Variants in NAV2 observed in about 807,000 individuals in gnomAD.
NAV2 encodes helicase, APC down-regulated 1.
A neutral mutation model predicts 223.2 loss-of-function variants in NAV2; 54 were observed. That is an observed-to-expected ratio of 0.24 (90% CI 0.19 to 0.30). The LOEUF is 0.30. Among genes scored for constraint, NAV2 ranks in the 10% least tolerant of loss-of-function variants. The pLI is 1.00. For synonymous variants in NAV2, 1,279 were observed against 1,239.3 expected (o/e 1.03, Z -0.67); for missense variants, 2,806 against 3,147.5 (o/e 0.89, Z 2.60).
chr11:19,696,542 G>C (rs2049346602), intron 1 of NAV2, among the ~76,000 whole-genome samples: 1 of 152,256 alleles, frequency 6.6e-6, no homozygotes, highest in Admixed American at 6.5e-5. Flanking sequence ...GTTCAGCTCA[G>C]CGTCTCACAG....
intron 36 of NAV2, among the ~76,000 whole-genome samples, chr11:20,111,235 A>T (rs1423980644): frequency 6.6e-6 from 1 of 152,188 alleles, no homozygotes; most frequent in East Asian, 1.9e-4. Context: ...CCCAGGTTTT[A>T]GTTTTCAATG....
At chr11:19,795,224 G>A (rs912665475) in intron 1 of NAV2, among the ~76,000 whole-genome samples, 3 of 152,222 alleles carry the variant, frequency 2.0e-5, no homozygotes, top group African/African-American at 2.4e-5. Context: ...CATTCTCAGA[G>A]CCATCTCATA....
chr11:20,035,856 C>T (rs1318727089), intron 11 of NAV2, 103 bp from the exon 12 acceptor site: 2 of 1,374,768 alleles, frequency 1.5e-6, no homozygotes, highest in Non-Finnish European at 2.0e-6. Flanking sequence ...CTTCATGGCA[C>T]AGATTGGATC....
At chr11:19,898,024 T>C (rs1260827056) in intron 6 of NAV2, among the ~76,000 whole-genome samples, 1 of 151,832 alleles carries the variant, frequency 6.6e-6, no homozygotes, top group Non-Finnish European at 1.5e-5. Flanking sequence ...TTTAAATATT[T>C]GTGATATTAC....
intron 1 of NAV2, among the ~76,000 whole-genome samples, chr11:19,545,511 G>A (rs574869780): frequency 9.4e-4 from 143 of 152,290 alleles, no homozygotes; most frequent in African/African-American, 3.2e-3. Context: ...TTCACTTAAA[G>A]GGCTGGCATG....
At chr11:19,661,132 C>CT (rs1337962366) in intron 1 of NAV2, among the ~76,000 whole-genome samples, 10 of 152,194 alleles carry the variant, frequency 6.6e-5, no homozygotes, top group Middle Eastern at 3.2e-3. Context: ...CAGGCAACCA[C>CT]TATTCAGCTT....
chr11:19,944,559 T>C (rs1293474208), intron 8 of NAV2, among the ~76,000 whole-genome samples: 1 of 151,258 alleles, frequency 6.6e-6, no homozygotes, highest in East Asian at 1.9e-4. Flanking sequence ...TTCTTTTCTT[T>C]CCCTTTCCCT....
chr11:19,425,351 C>A (rs1236112103), intron 1 of NAV2, among the ~76,000 whole-genome samples: 1 of 152,184 alleles, frequency 6.6e-6, no homozygotes, highest in East Asian at 1.9e-4. Flanking sequence ...GACAAACATG[C>A]TTTACCATGG....
intron 4 of NAV2, among the ~76,000 whole-genome samples, chr11:19,873,200 C>G (rs1354273254): frequency 2.6e-5 from 4 of 152,162 alleles, no homozygotes; most frequent in African/African-American, 7.2e-5. Context: ...GTGCTAGGCA[C>G]TAGGGTACAC....
intron 1 of NAV2, among the ~76,000 whole-genome samples, chr11:19,458,466 C>T (rs1391166445): frequency 2.0e-5 from 3 of 152,206 alleles, no homozygotes; most frequent in African/African-American, 7.2e-5. Context: ...TGGGAAATTG[C>T]CCAGGACCAT....
At chr11:19,363,897 T>C (rs1854107708) in intron 1 of NAV2, among the ~76,000 whole-genome samples, 1 of 152,158 alleles carries the variant, frequency 6.6e-6, no homozygotes, top group Non-Finnish European at 1.5e-5. Flanking sequence ...AGGCAAGGTG[T>C]GTGGGAAGGG....
intron 1 of NAV2, among the ~76,000 whole-genome samples, chr11:19,702,690 A>G (rs1006528571): frequency 6.6e-6 from 1 of 152,056 alleles, no homozygotes; most frequent in African/African-American, 2.4e-5. Context: ...AGGCAGGAGA[A>G]TTGCTTGAGT....
At chr11:20,117,111 C>A (rs2153730491) in intron 37 of NAV2, among the ~76,000 whole-genome samples, 1 of 152,292 alleles carries the variant, frequency 6.6e-6, no homozygotes, top group Non-Finnish European at 1.5e-5. Context: ...CCCAGCTGCA[C>A]CACATCTTGG....
chr11:19,364,217 A>C (rs1165132612), intron 1 of NAV2, among the ~76,000 whole-genome samples: 1 of 152,212 alleles, frequency 6.6e-6, no homozygotes, highest in Non-Finnish European at 1.5e-5. Context: ...TGAATAACAA[A>C]AGGTGCTCCT....
At chr11:19,861,579 C>G (rs113035397) in intron 3 of NAV2, among the ~76,000 whole-genome samples, 2 of 152,196 alleles carry the variant, frequency 1.3e-5, no homozygotes, top group Admixed American at 1.3e-4. Context: ...TTTTATAGAT[C>G]AGGCCACTGG....
intron 1 of NAV2, among the ~76,000 whole-genome samples, chr11:19,645,273 A>C (rs1033764799): frequency 1.3e-5 from 2 of 152,168 alleles, no homozygotes; most frequent in Non-Finnish European, 2.9e-5. Context: ...CTCATGCTGC[A>C]TCACTCTGAC....
At chr11:19,765,163 T>C (rs75566534) in intron 1 of NAV2, among the ~76,000 whole-genome samples, 37 of 152,364 alleles carry the variant, frequency 2.4e-4, no homozygotes, top group African/African-American at 8.4e-4. Flanking sequence ...GTGACTTTTA[T>C]TTCCAGTGAC....
chr11:19,981,274 T>G (rs1257592981), intron 10 of NAV2: 1 of 152,224 alleles, frequency 6.6e-6, no homozygotes, highest in African/African-American at 2.4e-5. Flanking sequence ...CTCAGAGGCT[T>G]TCCCGCTTTT....
At chr11:19,770,114 C>T (rs1447800088) in intron 1 of NAV2, among the ~76,000 whole-genome samples, 3 of 152,122 alleles carry the variant, frequency 2.0e-5, no homozygotes, top group Non-Finnish European at 4.4e-5. Flanking sequence ...CCTTTCTAAA[C>T]TGTTTCTCTG....
Sources: gnomAD v4.1 joint callset for allele counts (sites outside exome capture counted in the v4.1 genomes callset) on GRCh38, gnomAD v4.1.1 for gene constraint, MANE v1.5 for transcripts, NCBI Gene and HGNC (gene_info 2026-07-23, HGNC 2026-07-21) for gene names.